The following NFIB variants were observed in gnomAD, a reference collection of about 807,000 sequenced individuals.
NFIB encodes the protein nuclear factor 1 B-type.
A neutral mutation model predicts 61.5 loss-of-function variants in NFIB; 11 were observed. The observed-to-expected ratio is 0.18, with a 90% CI of 0.11 to 0.30. The LOEUF (loss-of-function observed/expected upper bound fraction) is 0.30, where lower values mean the gene tolerates loss of function less well. Among genes scored for constraint, NFIB ranks in the 10% least tolerant of loss-of-function variants. The probability of loss-of-function intolerance (pLI) is 1.00; values close to 1 mark genes in which losing one functional copy is unlikely to be tolerated. For synonymous variants in NFIB, 260 were observed against 216.5 expected (o/e 1.20, Z -1.76); for missense variants, 471 against 608.9 (o/e 0.77, Z 2.38).
At chr9:14,423,020 A>G in the NFIB span, among the ~76,000 whole-genome samples, 1 of 152,208 alleles carries the variant, frequency 6.6e-6, no homozygotes, top group South Asian at 2.1e-4. Context: ...ATGGATTCAT[A>G]ACAGTTCAAA....
At chr9:14,401,502 C>G (rs1244218262), upstream of NFIB, among the ~76,000 whole-genome samples, 1 of 152,188 alleles carries the variant, frequency 6.6e-6, no homozygotes, top group Non-Finnish European at 1.5e-5. Context: ...CTCAAGTCAT[C>G]TTCTTGGCAC....
At chr9:14,131,125 T>A (rs746510776) in intron 6 of NFIB, among the ~76,000 whole-genome samples, 2 of 152,166 alleles carry the variant, frequency 1.3e-5, no homozygotes, top group Admixed American at 1.3e-4. Flanking sequence ...TTAAAAAGAT[T>A]CACATTGATG....
upstream of NFIB, among the ~76,000 whole-genome samples, chr9:14,318,425 G>A (rs987670157): frequency 2.0e-5 from 3 of 150,428 alleles, no homozygotes; most frequent in African/African-American, 7.3e-5. Flanking sequence ...AAATTGCAGC[G>A]ACAGGTTGCA....
chr9:14,364,409 G>C (rs1030042839), intron 1 of NFIB, among the ~76,000 whole-genome samples: 1 of 152,174 alleles, frequency 6.6e-6, no homozygotes, highest in African/African-American at 2.4e-5. Flanking sequence ...TAGTTAATGC[G>C]AGAGGTGAAA....
the NFIB span, among the ~76,000 whole-genome samples, chr9:14,521,716 A>C: frequency 3.9e-5 from 6 of 152,194 alleles, no homozygotes; most frequent in Non-Finnish European, 8.8e-5. Context: ...ATAATCAAAG[A>C]AGCACCTTTT....
At chr9:14,488,910 A>T in the NFIB span, among the ~76,000 whole-genome samples, 2 of 152,156 alleles carry the variant, frequency 1.3e-5, no homozygotes, top group African/African-American at 4.8e-5. Flanking sequence ...TCTCCAGTGG[A>T]AAGTTTGAGA....
intron 10 of NFIB, chr9:14,096,579 G>A (rs1487023244): frequency 6.6e-6 from 1 of 152,082 alleles, no homozygotes; most frequent in Non-Finnish European, 1.5e-5. Flanking sequence ...TGTGGAAAAT[G>A]GACATTATTG....
upstream of NFIB, among the ~76,000 whole-genome samples, chr9:14,315,072 G>A (rs1433014953): frequency 6.6e-6 from 1 of 151,990 alleles, no homozygotes; most frequent in Non-Finnish European, 1.5e-5. Flanking sequence ...TGCGGCTGCC[G>A]GGAAAAGGGG....
chr9:14,419,162 G>A, the NFIB span, among the ~76,000 whole-genome samples: 10 of 151,682 alleles, frequency 6.6e-5, no homozygotes, highest in African/African-American at 2.2e-4. Context: ...GGGAGCTCTC[G>A]GTGCTTTGAA....
chr9:14,165,698 C>G (rs533444422), intron 3 of NFIB, among the ~76,000 whole-genome samples: 1 of 152,130 alleles, frequency 6.6e-6, no homozygotes, highest in South Asian at 2.1e-4. Flanking sequence ...TCCCAACCTC[C>G]CCAGCCTCCT....
At chr9:14,168,060 T>C (rs2045107671) in intron 3 of NFIB, among the ~76,000 whole-genome samples, 1 of 152,166 alleles carries the variant, frequency 6.6e-6, no homozygotes, top group African/African-American at 2.4e-5. Context: ...AATAATCATG[T>C]CTAGGATGTG....
chr9:14,279,276 G>A (rs1302278530), intron 2 of NFIB, among the ~76,000 whole-genome samples: 1 of 152,076 alleles, frequency 6.6e-6, no homozygotes, highest in Non-Finnish European at 1.5e-5. Context: ...GATAATAAGA[G>A]GATATTACAT....
chr9:14,176,080 C>T (rs2046155435), intron 3 of NFIB, among the ~76,000 whole-genome samples: 1 of 151,992 alleles, frequency 6.6e-6, no homozygotes, highest in South Asian at 2.1e-4. Flanking sequence ...GATTACCATC[C>T]AATCAATCAC....
chr9:14,406,846 C>T, the NFIB span, among the ~76,000 whole-genome samples: 3 of 152,310 alleles, frequency 2.0e-5, no homozygotes, highest in East Asian at 5.8e-4. Context: ...GTGGTCTTGT[C>T]AGTTTGACCT....
chr9:14,203,529 A>G (rs1402623252), intron 2 of NFIB, among the ~76,000 whole-genome samples: 3 of 152,176 alleles, frequency 2.0e-5, no homozygotes, highest in Non-Finnish European at 4.4e-5. Flanking sequence ...TCCACTGCCA[A>G]GAGTGTCTTG....
chr9:14,424,311 T>C, the NFIB span, among the ~76,000 whole-genome samples: 2 of 152,218 alleles, frequency 1.3e-5, no homozygotes, highest in African/African-American at 4.8e-5. Context: ...TTTCCATTGC[T>C]GTATTCTGCA....
intron 3 of NFIB, among the ~76,000 whole-genome samples, chr9:14,160,667 C>T (rs1307258932): frequency 6.6e-6 from 1 of 151,934 alleles, no homozygotes. Context: ...ATGACCTTCA[C>T]AAGCAGGCAT....
the NFIB span, among the ~76,000 whole-genome samples, chr9:14,417,725 A>C: frequency 1.3e-5 from 2 of 150,482 alleles, no homozygotes; most frequent in Non-Finnish European, 3.0e-5. Context: ...TGTTAGGTAT[A>C]GTTCTAGGTG....
At chr9:14,521,187 A>T in the NFIB span, among the ~76,000 whole-genome samples, 2 of 152,330 alleles carry the variant, frequency 1.3e-5, no homozygotes, top group Admixed American at 6.5e-5. Context: ...AAGGAGATTG[A>T]ATAAAATTAT....
Sources: gnomAD v4.1 joint callset for allele counts (sites outside exome capture counted in the v4.1 genomes callset) on GRCh38, gnomAD v4.1.1 for gene constraint, MANE v1.5 for transcripts, NCBI Gene and HGNC (gene_info 2026-07-23, HGNC 2026-07-21) for gene names.